HIP1: variants seen among roughly 807,000 people sequenced by gnomAD.
The protein encoded by HIP1 is huntingtin-interacting protein 1.
In HIP1, 65 loss-of-function variants were observed where a neutral mutation model predicts 147.6. The observed-to-expected ratio is 0.44, with a 90% confidence interval of 0.36 to 0.54. HIP1 has a LOEUF of 0.54. Ranked by LOEUF, HIP1 falls within the 20% of genes least tolerant of loss-of-function variation. The probability of loss-of-function intolerance (pLI) is 0.00; values close to 1 mark genes in which losing one functional copy is unlikely to be tolerated. For synonymous variants in HIP1, 479 were observed against 504.0 expected (o/e 0.95, Z 0.67); for missense variants, 1,061 against 1,299.6 (o/e 0.82, Z 2.82).
intron 1 of HIP1, among the ~76,000 whole-genome samples, chr7:75,611,380 T>C (rs1797428123): frequency 6.7e-6 from 1 of 148,528 alleles, no homozygotes; most frequent in South Asian, 2.1e-4. Context: ...GGCAGGAGAA[T>C]CACTTGAACT....
At chr7:75,601,623 A>AG (rs1796979385) in intron 1 of HIP1, among the ~76,000 whole-genome samples, 1 of 108,628 alleles carries the variant, frequency 9.2e-6, no homozygotes, top group African/African-American at 2.9e-5. Flanking sequence ...CAACAAAAAA[A>AG]AAAAGAAAAA....
intron 1 of HIP1, among the ~76,000 whole-genome samples, chr7:75,646,448 C>T (rs782490031): frequency 5.3e-5 from 8 of 152,372 alleles, no homozygotes; most frequent in Middle Eastern, 3.4e-3. Context: ...TCTACAAGTG[C>T]AAGGCACTCA....
chr7:75,687,264 G>C (rs1442082006), intron 1 of HIP1, among the ~76,000 whole-genome samples: 1 of 152,130 alleles, frequency 6.6e-6, no homozygotes, highest in Non-Finnish European at 1.5e-5. Flanking sequence ...CCAGAAGCAG[G>C]AGCCAATCCC....
intron 2 of HIP1, among the ~76,000 whole-genome samples, chr7:75,592,752 C>T (rs807874): frequency 0.85 from 129,056 of 152,210 alleles, 55,143 homozygotes; most frequent in East Asian, 0.97. Flanking sequence ...TAAGACACCA[C>T]AGAACTGTAC....
At chr7:75,542,121 A>G in intron 28 of HIP1, 141 bp from the exon 29 acceptor site, 1 of 697,414 alleles carries the variant, frequency 1.4e-6, no homozygotes. Context: ...AGGGGGCCAG[A>G]CAACGGTGGC....
At chr7:75,715,834 C>G (rs1801300613) in intron 1 of HIP1, among the ~76,000 whole-genome samples, 1 of 136,328 alleles carries the variant, frequency 7.3e-6, no homozygotes, top group Non-Finnish European at 1.6e-5. Flanking sequence ...GCAGGTTATA[C>G]AAGCATGACA....
At chr7:75,690,209 G>T (rs1554517995) in intron 1 of HIP1, among the ~76,000 whole-genome samples, 1 of 152,038 alleles carries the variant, frequency 6.6e-6, no homozygotes, top group Non-Finnish European at 1.5e-5. Flanking sequence ...GCACAAGGCT[G>T]CTCAGGCAGC....
At chr7:75,586,724 T>TGGC (rs1796301062) in intron 5 of HIP1, 29 bp downstream of exon 5, 4 of 1,462,592 alleles carry the variant, frequency 2.7e-6, no homozygotes, top group African/African-American at 2.8e-5. Flanking sequence ...GAGGCGGCGG[T>TGGC]GGCGGCAGAA....
chr7:75,629,687 C>T (rs587630060), intron 1 of HIP1, among the ~76,000 whole-genome samples: 2 of 152,110 alleles, frequency 1.3e-5, no homozygotes, highest in Non-Finnish European at 2.9e-5. Context: ...GGATTACAGG[C>T]GTGAGCCACC....
At chr7:75,673,833 A>T (rs956563053) in intron 1 of HIP1, among the ~76,000 whole-genome samples, 11 of 150,528 alleles carry the variant, frequency 7.3e-5, no homozygotes, top group Non-Finnish European at 1.5e-4. Flanking sequence ...AAAAAAAAAA[A>T]AAATTAGCTG....
chr7:75,566,254 TCA>T, intron 9 of HIP1, among the ~76,000 whole-genome samples: 1 of 150,974 alleles, frequency 6.6e-6, no homozygotes, highest in East Asian at 1.9e-4. Context: ...ACTCCTGACC[TCA>T]AGTGATCTGC....
chr7:75,664,375 C>T (rs62651318), intron 1 of HIP1, among the ~76,000 whole-genome samples: 4 of 56,970 alleles, frequency 7.0e-5, no homozygotes, highest in African/African-American at 1.9e-4. Context: ...TATACACATA[C>T]ATATGTGTAT....
At chr7:75,661,081 C>A (rs182424860) in intron 1 of HIP1, among the ~76,000 whole-genome samples, 15 of 152,032 alleles carry the variant, frequency 9.9e-5, no homozygotes, top group South Asian at 4.2e-4. Flanking sequence ...GAGTTCAAGA[C>A]TAGCCCGGGC....
intron 1 of HIP1, among the ~76,000 whole-genome samples, chr7:75,645,180 A>C (rs1270748101): frequency 1.3e-5 from 2 of 152,070 alleles, no homozygotes; most frequent in Non-Finnish European, 2.9e-5. Flanking sequence ...TATGACAAGC[A>C]CTTTACAAGG....
At chr7:75,693,869 T>G (rs1412880326) in intron 1 of HIP1, among the ~76,000 whole-genome samples, 1 of 151,232 alleles carries the variant, frequency 6.6e-6, no homozygotes, top group Admixed American at 6.6e-5. Flanking sequence ...AAGCAATATC[T>G]AGCATCCAGT....
intron 2 of HIP1, among the ~76,000 whole-genome samples, chr7:75,595,379 G>A (rs1399978196): frequency 2.0e-5 from 3 of 148,406 alleles, no homozygotes; most frequent in Non-Finnish European, 4.4e-5. Flanking sequence ...GTCTCGCTCT[G>A]TTGCCCAGGC....
chr7:75,639,632 CGT>C (rs1798579373), intron 1 of HIP1, among the ~76,000 whole-genome samples: 1 of 149,684 alleles, frequency 6.7e-6, no homozygotes. Context: ...TGCATGCATG[CGT>C]GTGTTTTGGT....
intron 1 of HIP1, among the ~76,000 whole-genome samples, chr7:75,691,626 C>T (rs1456273862): frequency 6.6e-6 from 1 of 151,856 alleles, no homozygotes; most frequent in Non-Finnish European, 1.5e-5. Context: ...TGGTGAAACC[C>T]CATCTCTACT....
At chr7:75,573,633 G>T in intron 8 of HIP1, 128 bp downstream of exon 8, 1 of 925,482 alleles carries the variant, frequency 1.1e-6, no homozygotes, top group Non-Finnish European at 1.6e-6. Flanking sequence ...AAGCTCCGGG[G>T]CCTTTTGGAA....
Sources: gnomAD v4.1 joint callset for allele counts (sites outside exome capture counted in the v4.1 genomes callset) on GRCh38, gnomAD v4.1.1 for gene constraint, MANE v1.5 for transcripts, NCBI Gene and HGNC (gene_info 2026-07-23, HGNC 2026-07-21) for gene names.